PTPRD: variants seen among roughly 807,000 people sequenced by gnomAD.
PTPRD encodes the protein receptor-type tyrosine-protein phosphatase delta.
Under a neutral mutation model 214.5 loss-of-function variants are expected in PTPRD, and 34 were observed. The observed-to-expected ratio is 0.16, with a 90% confidence interval of 0.12 to 0.21. The LOEUF is 0.21. Ranked by LOEUF, PTPRD falls within the 10% of genes least tolerant of loss-of-function variation. The pLI, the probability that PTPRD is intolerant of heterozygous loss-of-function variation, is 1.00. For missense variants in PTPRD, 2,545 were observed against 2,398.7 expected, an observed-to-expected ratio of 1.06 and a Z score of -1.27; for synonymous variants, 1,128 against 845.7, an observed-to-expected ratio of 1.33 and a Z score of -5.79.
At chr9:10,446,331 T>G (rs992493374) in intron 2 of PTPRD, among the ~76,000 whole-genome samples, 1 of 151,852 alleles carries the variant, frequency 6.6e-6, no homozygotes, top group Non-Finnish European at 1.5e-5. Flanking sequence ...CCATGGAATA[T>G]TCAAAGGAGT....
At chr9:10,487,396 C>T (rs1371421183) in intron 2 of PTPRD, among the ~76,000 whole-genome samples, 1 of 152,052 alleles carries the variant, frequency 6.6e-6, no homozygotes, top group South Asian at 2.1e-4. Context: ...CCTGTCTTCT[C>T]TTTAGTTAAG....
intron 10 of PTPRD, among the ~76,000 whole-genome samples, chr9:9,019,336 G>GAAAGAAAGAA (rs1303079498): frequency 4.8e-4 from 9 of 18,850 alleles, no homozygotes; most frequent in African/African-American, 1.2e-3. Context: ...AAGAAAGAAA[G>GAAAGAAAGAA]AACGAAAGAA....
chr9:8,800,008 TAAAC>T (rs1566157987), intron 11 of PTPRD, among the ~76,000 whole-genome samples: 1 of 151,876 alleles, frequency 6.6e-6, no homozygotes, highest in Non-Finnish European at 1.5e-5. Flanking sequence ...GAGAAGATGA[TAAAC>T]AAACATTCAT....
intron 3 of PTPRD, among the ~76,000 whole-genome samples, chr9:10,063,187 A>T (rs931159025): frequency 4.6e-5 from 7 of 152,070 alleles, no homozygotes; most frequent in African/African-American, 1.4e-4. Context: ...GCAAAGAAGA[A>T]TTGTGTAAAT....
Position 9,698,208 on chromosome 9 carries a change from G to A in PTPRD, c.-287+36325C>T, listed in dbSNP as rs1032079924. Among the ~76,000 whole-genome samples the A allele has an allele frequency of 1.2e-4, 19 of 152,144 alleles. No homozygotes were observed. In the East Asian group the frequency reaches 2.3e-3, roughly 19 times the overall value. ...CTCTTTACTGTTTTTTCTTGTGGAG[G>A]TACACCTCCGTCTTCCCATCAAAGG... On this transcript the variant is annotated intron_variant, in intron 7 of 45. Transcript: ENST00000381196.
chr9:10,612,744 GGGA>G lies in PTPRD; in HGVS notation c.-767_-765del. On this transcript the variant is annotated 5_prime_UTR_variant, in exon 1 of 46. Transcript: ENST00000381196. Reference sequence around the variant, plus strand: ...CGCCGCGCCGGAGGGGAGGAGGCTCGGGAGGAGGAGGAGAAAGAGCAGCGGGAG... The same window carrying G: ...CGCCGCGCCGGAGGGGAGGAGGCTCGGGAGGAGGAGAAAGAGCAGCGGGAG... The G allele has an allele frequency of 6.5e-6, 1 of 152,868 alleles. No individual in the cohort carries two copies. The highest frequency in any genetic ancestry group is 1.5e-5 in the Non-Finnish European group (1 of 68,532). The allele number at this position is 152,868 out of a possible 1,614,324, so 9.5% of individuals were successfully genotyped here.
At chr9:10,255,427 C>G (rs1394902037) in intron 3 of PTPRD, among the ~76,000 whole-genome samples, 5 of 152,052 alleles carry the variant, frequency 3.3e-5, no homozygotes, top group African/African-American at 1.2e-4. Context: ...TATTTAAACA[C>G]AGAAAAGGTA....
Position 9,135,463 on chromosome 9 carries a change from G to A in PTPRD, c.-143+47841C>T, listed in dbSNP as rs559124695. ...TGATGAGATCATTTTCCCTGTGATG[G>A]CTGCCACCAGGACTTCTTCACATTG... On this transcript the variant is annotated intron_variant, in intron 10 of 45. Transcript: ENST00000381196. Among the ~76,000 whole-genome samples the A allele has an allele frequency of 8.2e-4, 125 of 152,168 alleles. 1 individual carries two copies. Among genetic ancestry groups the A allele is most frequent in the African/African-American group, 3.0e-3 (123 of 41,518 alleles).
intron 14 of PTPRD, among the ~76,000 whole-genome samples, chr9:8,613,086 T>C (rs543511594): frequency 2.2e-4 from 34 of 152,266 alleles, no homozygotes; most frequent in Non-Finnish European, 4.0e-4. Flanking sequence ...AAAAAAAGAC[T>C]TATATTTTAC....
intron 7 of PTPRD, among the ~76,000 whole-genome samples, chr9:9,704,706 A>G (rs571150769): frequency 6.6e-6 from 1 of 152,332 alleles, no homozygotes; most frequent in Admixed American, 6.5e-5. Context: ...AAAAAATCTG[A>G]CTACCTGAGA....
At chr9:9,168,777 T>C (rs1034494551) in intron 10 of PTPRD, among the ~76,000 whole-genome samples, 59 of 152,238 alleles carry the variant, frequency 3.9e-4, no homozygotes, top group African/African-American at 1.4e-3. Context: ...CTTTATTTTC[T>C]GAGAGGAAGA....
chr9:9,652,249 T>C (rs2096380416), intron 7 of PTPRD, among the ~76,000 whole-genome samples: 1 of 152,110 alleles, frequency 6.6e-6, no homozygotes, highest in Non-Finnish European at 1.5e-5. Flanking sequence ...ATGCCTTTTG[T>C]TCTCTCTCTC....
At chr9:10,347,553 G>C (rs2097108083) in intron 2 of PTPRD, among the ~76,000 whole-genome samples, 1 of 151,548 alleles carries the variant, frequency 6.6e-6, no homozygotes, top group Non-Finnish European at 1.5e-5. Flanking sequence ...TGGGATTACA[G>C]GTGTCTGCCA....
At chr9:8,433,123 C>T (rs183246616) in intron 35 of PTPRD, among the ~76,000 whole-genome samples, 7 of 152,132 alleles carry the variant, frequency 4.6e-5, no homozygotes, top group Admixed American at 3.9e-4. Flanking sequence ...CAGTCCACAA[C>T]AAACCACAAA....
At chr9:10,207,587 A>G (rs917368801) in intron 3 of PTPRD, among the ~76,000 whole-genome samples, 1 of 152,034 alleles carries the variant, frequency 6.6e-6, no homozygotes, top group Admixed American at 6.5e-5. Flanking sequence ...TAATGAAAAT[A>G]TTAGCCCCAT....
At chr9:8,548,584 T>C (rs2081016645) in intron 14 of PTPRD, among the ~76,000 whole-genome samples, 1 of 151,638 alleles carries the variant, frequency 6.6e-6, no homozygotes, top group Non-Finnish European at 1.5e-5. Context: ...GCTAGGCTGT[T>C]CTCGAACTCC....
intron 8 of PTPRD, among the ~76,000 whole-genome samples, chr9:9,494,377 G>C (rs1264307842): frequency 6.6e-6 from 1 of 152,194 alleles, no homozygotes; most frequent in African/African-American, 2.4e-5. Flanking sequence ...CAAAACTTTT[G>C]TGAAAGGAAG....
In PTPRD at chr9:8,825,197, G is replaced by C. The variant is rs192981686; in HGVS notation, c.-103-91251C>G. ...AAAGTGATATTTTTTATTTGGCACA[G>C]GTTAGAAACCCTGTATAGGGACTGT... is the stretch of plus-strand genomic sequence containing the variant. On this transcript the variant is annotated intron_variant, in intron 11 of 45. Transcript: ENST00000381196. Among the ~76,000 whole-genome samples, 67 of 152,268 alleles carry C rather than the reference G, an allele frequency of 4.4e-4. 1 individual carries two copies. The East Asian group carries it at 0.012, about 28-fold the overall frequency.
intron 7 of PTPRD, among the ~76,000 whole-genome samples, chr9:9,703,420 C>G (rs2097539159): frequency 6.6e-6 from 1 of 152,126 alleles, no homozygotes; most frequent in Non-Finnish European, 1.5e-5. Flanking sequence ...CATTAAACCT[C>G]CAGTAATCAA....
Sources: allele counts gnomAD v4.1 joint callset (sites outside exome capture counted in the v4.1 genomes callset), GRCh38; gene constraint gnomAD v4.1.1; transcripts MANE v1.5; gene names NCBI Gene and HGNC (gene_info 2026-07-23, HGNC 2026-07-21).